Variants in EYS observed in about 807,000 individuals in gnomAD.
The protein encoded by EYS is EGF-like photoreceptor maintenance factor.
In EYS, 250 loss-of-function variants were observed where a neutral mutation model predicts 282.1. The observed-to-expected ratio is 0.89, with a 90% CI of 0.80 to 0.98. The LOEUF (loss-of-function observed/expected upper bound fraction) is 0.98. Among genes scored for constraint, EYS ranks in the 50% least tolerant of loss-of-function variants. EYS has a pLI of 0.00. For missense variants in EYS, 4,016 were observed against 3,709.0 expected (o/e 1.08, Z -2.15); for synonymous variants, 1,355 against 1,282.9 (o/e 1.06, Z -1.20).
chr6:65,207,139 A>G (rs1766056142), intron 12 of EYS, among the ~76,000 whole-genome samples: 1 of 151,748 alleles, frequency 6.6e-6, no homozygotes, highest in Non-Finnish European at 1.5e-5. Context: ...ATAACTCCAA[A>G]GTAGTACTAG....
At chr6:65,375,245 G>T (rs963784575) in intron 8 of EYS, among the ~76,000 whole-genome samples, 1 of 152,166 alleles carries the variant, frequency 6.6e-6, no homozygotes, top group Non-Finnish European at 1.5e-5. Context: ...AGCAAACAGG[G>T]TCTGCAGTGG....
chr6:64,394,355 G>A (rs1227593556), intron 28 of EYS, among the ~76,000 whole-genome samples: 1 of 151,960 alleles, frequency 6.6e-6, no homozygotes, highest in Non-Finnish European at 1.5e-5. Flanking sequence ...CAAAGCTGGA[G>A]GCATCACGCT....
intron 13 of EYS, among the ~76,000 whole-genome samples, chr6:65,038,731 C>T (rs1449509485): frequency 2.0e-5 from 3 of 151,382 alleles, no homozygotes; most frequent in Non-Finnish European, 4.4e-5. Flanking sequence ...CTTTGAGTTA[C>T]TTCACATTTT....
At chr6:64,327,589 G>GA (rs113447161) in intron 29 of EYS, among the ~76,000 whole-genome samples, 34 of 152,090 alleles carry the variant, frequency 2.2e-4, no homozygotes, top group African/African-American at 7.0e-4. Context: ...TCCATATATT[G>GA]ACTCCTGGCT....
chr6:63,998,970 T>A (rs1582104705), intron 34 of EYS, 105 bp downstream of exon 34: 2 of 689,904 alleles, frequency 2.9e-6, no homozygotes, highest in East Asian at 5.6e-5. Flanking sequence ...TTACAAGGAA[T>A]CTGTTCAATT....
chr6:65,286,617 A>G (rs1449172235), intron 12 of EYS, among the ~76,000 whole-genome samples: 17 of 151,730 alleles, frequency 1.1e-4, no homozygotes, highest in Non-Finnish European at 3.0e-5. Flanking sequence ...AATACCAAAA[A>G]TTCTACCCAA....
chr6:64,991,976 G>A (rs1464064821), intron 14 of EYS, among the ~76,000 whole-genome samples: 4 of 151,656 alleles, frequency 2.6e-5, no homozygotes, highest in Non-Finnish European at 5.9e-5. Context: ...TAGATAACTA[G>A]TTCAATGATT....
intron 35 of EYS, among the ~76,000 whole-genome samples, chr6:63,959,651 G>A (rs1167180066): frequency 6.6e-6 from 1 of 152,152 alleles, no homozygotes; most frequent in Non-Finnish European, 1.5e-5. Context: ...AGGAAACGTG[G>A]TACATATACA....
rs181416077 is a variant in EYS at position 65,065,662 on chromosome 6, C to T, written c.2024-7935G>A. ...CCTCCCAAAGTGCTGGGATTACAGG[C>T]GTGAGCCACCACACCTGGCCAGAAA... On this transcript the variant is annotated intron_variant, in intron 12 of 42. Transcript: ENST00000503581. 9.7e-4 allele frequency among the ~76,000 whole-genome samples: 147 copies of T among 152,108 alleles called. 1 individual carries two copies. The highest frequency in any genetic ancestry group is 3.4e-3 in the Middle Eastern group (1 of 294).
chr6:64,053,417 A>C (rs1458902791), intron 33 of EYS, among the ~76,000 whole-genome samples: 1 of 152,180 alleles, frequency 6.6e-6, no homozygotes, highest in Non-Finnish European at 1.5e-5. Context: ...CATGAAATGT[A>C]AATTATAAGA....
chr6:64,858,162 A>G (rs1327377830), intron 19 of EYS, among the ~76,000 whole-genome samples: 2 of 152,156 alleles, frequency 1.3e-5, no homozygotes, highest in African/African-American at 4.8e-5. Context: ...ATATTAAAAA[A>G]ATTATTGGCC....
chr6:65,369,265 G>GTA (rs1440070454), intron 8 of EYS, among the ~76,000 whole-genome samples: 5 of 139,348 alleles, frequency 3.6e-5, no homozygotes, highest in African/African-American at 5.1e-5. Flanking sequence ...GTGTGTGTGT[G>GTA]TATATATATA....
chr6:63,789,897 T>G (rs1202223708), intron 37 of EYS, among the ~76,000 whole-genome samples: 1 of 152,088 alleles, frequency 6.6e-6, no homozygotes, highest in Non-Finnish European at 1.5e-5. Flanking sequence ...CATTAATCAC[T>G]AGGGGAAGGT....
intron 26 of EYS, among the ~76,000 whole-genome samples, chr6:64,450,828 T>C (rs182371799): frequency 1.3e-5 from 2 of 152,174 alleles, no homozygotes; most frequent in East Asian, 3.9e-4. Context: ...AGACACAACA[T>C]ATCAGAATCT....
chr6:63,746,471 T>A (rs1769212764), intron 41 of EYS, among the ~76,000 whole-genome samples: 1 of 152,220 alleles, frequency 6.6e-6, no homozygotes, highest in Non-Finnish European at 1.5e-5. Context: ...CCTCTTTTTC[T>A]ATTGATTGGA....
rs1772998867 is a variant in EYS, at chr6:64,388,814, T to A, written c.5954A>T (p.Glu1985Val). Residue 1985 changes from glutamate (E) to valine (V), a missense_variant, in exon 29 of 43, where the codon GAG (glutamate) becomes GTG (valine). Coordinates refer to ENST00000503581, the MANE Select transcript of EYS (RefSeq NM_001142800.2). ...TGTATTCCTCCCTAAAATAGTCAGC[T>A]CAGCGTTACATGGATCCAATTCTTG... ...IRQELDPCNA[E>V]LTILGRNTQI... The A allele has an allele frequency of 1.3e-6, 2 of 1,540,184 alleles. No homozygotes were observed. Among genetic ancestry groups the A allele is most frequent in the Admixed American group, 4.0e-5 (2 of 49,576 alleles).
intron 15 of EYS, among the ~76,000 whole-genome samples, chr6:64,941,404 C>A (rs1053119077): frequency 3.3e-5 from 5 of 151,820 alleles, no homozygotes; most frequent in Non-Finnish European, 7.4e-5. Context: ...CAAATATATA[C>A]GTGGTTATTA....
intron 19 of EYS, among the ~76,000 whole-genome samples, chr6:64,868,989 G>C (rs976400356): frequency 1.3e-5 from 2 of 151,490 alleles, no homozygotes; most frequent in African/African-American, 4.8e-5. Flanking sequence ...GAATAAGTAA[G>C]AGCCTTTTAA....
intron 1 of EYS, among the ~76,000 whole-genome samples, chr6:65,652,438 TC>T (rs1276305744): frequency 6.6e-6 from 1 of 151,826 alleles, no homozygotes; most frequent in Non-Finnish European, 1.5e-5. Context: ...AAAGAAAATA[TC>T]CCAGAGAAGT....
Sources: gnomAD v4.1 joint callset for allele counts (sites outside exome capture counted in the v4.1 genomes callset) on GRCh38, gnomAD v4.1.1 for gene constraint, MANE v1.5 for transcripts, NCBI Gene and HGNC (gene_info 2026-07-23, HGNC 2026-07-21) for gene names.